Variants in BMP8A observed in about 807,000 individuals in gnomAD.
BMP8A encodes BMP-8A.
Under a neutral mutation model 36.8 loss-of-function variants are expected in BMP8A, and 14 were observed. The observed-to-expected ratio is 0.38, with a 90% CI of 0.25 to 0.60. BMP8A has a LOEUF of 0.60. Among genes scored for constraint, BMP8A ranks in the 20% least tolerant of loss-of-function variants. BMP8A has a pLI of 0.63. For synonymous variants in BMP8A, 120 were observed against 237.7 expected, an observed-to-expected ratio of 0.50 and a Z score of 4.55; for missense variants, 267 against 551.1, an observed-to-expected ratio of 0.48 and a Z score of 5.16.
chr1:39,525,512 A>G, intron 6 of BMP8A, 137 bp from the exon 7 acceptor site: 4 of 1,225,772 alleles, frequency 3.3e-6, no homozygotes, highest in Admixed American at 2.6e-5. Context: ...CCTGTTAATA[A>G]TTCTTATTAT....
Position 39,524,430 on chromosome 1 carries a change from C to T in BMP8A, c.1060-1219C>T, listed in dbSNP as rs555584368. On this transcript the variant is annotated intron_variant, in intron 6 of 6. Transcript: ENST00000331593. The surrounding 1 kb of genome is among the most constrained non-coding windows in gnomAD (Gnocchi z 4.0). ...GTGAGGAAGAGCAGAGCAGCCGTGCCGTCAGTGGAGTGAGACTGGGCCCAG... is the reference window on the plus strand; with the variant it reads ...GTGAGGAAGAGCAGAGCAGCCGTGCTGTCAGTGGAGTGAGACTGGGCCCAG... 3.3e-5 allele frequency among the ~76,000 whole-genome samples: 5 copies of T among 152,204 alleles called. No individual in the cohort carries two copies. The South Asian group carries it at 6.2e-4, about 19-fold the overall frequency.
At chr1:39,500,549 A>G (rs1645244074) in intron 1 of BMP8A, among the ~76,000 whole-genome samples, 1 of 150,118 alleles carries the variant, frequency 6.7e-6, no homozygotes, top group South Asian at 2.1e-4. Context: ...GATGATGATG[A>G]TGGGCTCACC....
intron 1 of BMP8A, among the ~76,000 whole-genome samples, chr1:39,500,970 G>C (rs920137628): frequency 6.6e-6 from 1 of 152,158 alleles, no homozygotes; most frequent in African/African-American, 2.4e-5. Flanking sequence ...AGGTTTATTT[G>C]GCATACAATT....
intron 1 of BMP8A, among the ~76,000 whole-genome samples, chr1:39,502,446 T>A (rs1004379183): frequency 6.6e-6 from 1 of 152,160 alleles, no homozygotes; most frequent in African/African-American, 2.4e-5. Context: ...AGCAACCCAG[T>A]GCCCAAATCT....
chr1:39,524,347 T>G lies in BMP8A; in HGVS notation c.1059+1230T>G, dbSNP rs1645460945. 6.6e-6 allele frequency among the ~76,000 whole-genome samples: 1 copy of G among 151,894 alleles called. No homozygotes were observed. Among genetic ancestry groups the G allele is most frequent in the African/African-American group, 2.4e-5 (1 of 41,350 alleles). ...ACAGGGCAGCAAACAGGCACTGTGC[T>G]CTAGGGGAGGCTGTCGGTGGGCACA... is the stretch of plus-strand genomic sequence containing the variant. On this transcript the variant is annotated intron_variant, in intron 6 of 6. Coordinates refer to ENST00000331593, the MANE Select transcript of BMP8A (RefSeq NM_181809.4). The surrounding 1 kb of genome is among the most constrained non-coding windows in gnomAD (Gnocchi z 4.0).
chr1:39,520,436 AG>A (rs1282426295), intron 3 of BMP8A, among the ~76,000 whole-genome samples: 803 of 119,106 alleles, frequency 6.7e-3, no homozygotes, highest in African/African-American at 0.024. Flanking sequence ...TGGCCTCAAA[AG>A]TTTCTTTACT....
At chr1:39,506,232 C>G (rs113826490) in intron 1 of BMP8A, among the ~76,000 whole-genome samples, 1 of 151,746 alleles carries the variant, frequency 6.6e-6, no homozygotes, top group African/African-American at 2.4e-5. Context: ...TTTTTTGAAA[C>G]GGAGTCTCAC....
Position 39,492,312 on chromosome 1 carries a change from C to T in BMP8A, c.321C>T (p.Ser107=), listed in dbSNP as rs781781325. 3.2e-6 allele frequency: 5 copies of T among 1,561,510 alleles called. No homozygotes were observed. The highest frequency in any genetic ancestry group is 1.9e-4 in the Middle Eastern group (1 of 5,392). ...QRLGRADLVM[S]FVNMVERDRA... ...TGGGCCGCGCCGACCTGGTCATGAG[C>T]TTCGTCAACATGGGTGAGTGCGGCC... Residue 107 remains serine, a synonymous_variant, in exon 1 of 7, where the codon AGC becomes AGT. Coordinates refer to ENST00000331593, the MANE Select transcript of BMP8A (RefSeq NM_181809.4).
intron 3 of BMP8A, among the ~76,000 whole-genome samples, chr1:39,519,372 C>T (rs1350070613): frequency 2.1e-5 from 3 of 140,560 alleles, no homozygotes; most frequent in Non-Finnish European, 4.7e-5. Flanking sequence ...TTGTCTTTTC[C>T]TCTGTGCCCC....
intron 1 of BMP8A, among the ~76,000 whole-genome samples, chr1:39,500,231 AT>A (rs950800011): frequency 5.9e-5 from 9 of 152,048 alleles, no homozygotes; most frequent in African/African-American, 1.9e-4. Context: ...AGTCGAGGGT[AT>A]TTTTTTCCCC....
chr1:39,509,457 G>A (rs977545453), intron 1 of BMP8A, among the ~76,000 whole-genome samples: 2 of 152,178 alleles, frequency 1.3e-5, no homozygotes, highest in Non-Finnish European at 2.9e-5. Context: ...GGAAGAGATC[G>A]TGGCCTGTGT....
intron 1 of BMP8A, among the ~76,000 whole-genome samples, chr1:39,498,308 G>A (rs1334112189): frequency 6.6e-6 from 1 of 152,240 alleles, no homozygotes; most frequent in Admixed American, 6.5e-5. Context: ...AGGCAAGAGA[G>A]GATGTGTCAC....
intron 5 of BMP8A, 145 bp downstream of exon 5, chr1:39,522,627 G>A (rs1645437767): frequency 7.9e-7 from 1 of 1,258,136 alleles, no homozygotes; most frequent in African/African-American, 1.5e-5. Context: ...TCTAAAGTGA[G>A]AATATGGTGA....
At chr1:39,499,769 A>C (rs1236194168) in intron 1 of BMP8A, among the ~76,000 whole-genome samples, 1 of 152,146 alleles carries the variant, frequency 6.6e-6, no homozygotes, top group Non-Finnish European at 1.5e-5. Context: ...TCTGCCTCCC[A>C]TGTGCAGCTC....
At chr1:39,508,953 G>A (rs937471788) in intron 1 of BMP8A, among the ~76,000 whole-genome samples, 3 of 152,196 alleles carry the variant, frequency 2.0e-5, no homozygotes, top group Non-Finnish European at 4.4e-5. Flanking sequence ...AACTCAGGTC[G>A]GTTCAGTTGA....
At position 39,499,084 on chromosome 1, in the gene BMP8A, A is replaced by G. The variant is rs143588389; in HGVS notation, c.334+6759A>G. 5.0e-3 allele frequency among the ~76,000 whole-genome samples: 769 copies of G among 152,280 alleles called. 10 individuals are homozygous for G. The highest frequency in any genetic ancestry group is 0.017 in the African/African-American group (706 of 41,560). On this transcript the variant is annotated intron_variant, in intron 1 of 6. Transcript: ENST00000331593. Reference sequence around the variant, plus strand: ...CTCCCATGTCCACCCACATGGCTCCATCCCGGCCCTCCAAGGGCTCGCTGT... The same window carrying G: ...CTCCCATGTCCACCCACATGGCTCCGTCCCGGCCCTCCAAGGGCTCGCTGT...
chr1:39,508,673 A>G (rs941184552), intron 1 of BMP8A, among the ~76,000 whole-genome samples: 3 of 152,202 alleles, frequency 2.0e-5, no homozygotes, highest in African/African-American at 7.2e-5. Flanking sequence ...GCTTTTGAGA[A>G]ATATCTTTTC....
chr1:39,492,023 TG>T lies in BMP8A; in HGVS notation c.35del (p.Gly12AlafsTer2). MAARPGPLWL[L>X]GLTLCALGGG... ...GCGCGCCCCGGACCGCTCTGGCTTC[TG>T]GGCCTGACGTTGTGCGCGCTGGGCG... On this transcript the variant is annotated frameshift_variant, in exon 1 of 7. Coordinates refer to ENST00000331593, the MANE Select transcript of BMP8A (RefSeq NM_181809.4). LOFTEE classifies it high-confidence loss of function. 1 of 1,093,920 alleles carries T rather than the reference TG, an allele frequency of 9.1e-7. No individual in the cohort carries two copies. Among genetic ancestry groups the T allele is most frequent in the Non-Finnish European group, 1.1e-6 (1 of 901,314 alleles). 67.8% of individuals were successfully genotyped at this position (1,093,920 alleles called of 1,614,324 possible). A position where few individuals can be genotyped will look rare whatever the true frequency, so the allele number is the denominator to read the frequency against.
chr1:39,525,598 C>T (rs745649485), intron 6 of BMP8A, 51 bp from the exon 7 acceptor site: 4 of 1,602,950 alleles, frequency 2.5e-6, no homozygotes, highest in Admixed American at 1.7e-5. Context: ...GGTGGGTCCT[C>T]AGAGGAGGCC....
Sources: gnomAD v4.1 joint callset for allele counts (sites outside exome capture counted in the v4.1 genomes callset) on GRCh38, gnomAD v4.1.1 for gene constraint, Gnocchi (gnomAD v3.1) non-coding constraint, MANE v1.5 for transcripts, NCBI Gene and HGNC (gene_info 2026-07-23, HGNC 2026-07-21) for gene names.